Variants in NXPH1 observed in about 807,000 individuals in gnomAD.
NXPH1 encodes the protein neurexophilin-1.
A neutral mutation model predicts 23.7 loss-of-function variants in NXPH1; 5 were observed. The ratio of observed to expected loss-of-function variants is 0.21; its 90% CI spans 0.11 to 0.44. NXPH1 has a LOEUF of 0.44. Among genes scored for constraint, NXPH1 ranks in the 20% least tolerant of loss-of-function variants. NXPH1 has a pLI of 0.99. For synonymous variants in NXPH1, 144 were observed against 122.2 expected (o/e 1.18, Z -1.18); for missense variants, 324 against 321.6 (o/e 1.01, Z -0.06).
intron 2 of NXPH1, among the ~76,000 whole-genome samples, chr7:8,538,914 C>G (rs1012003551): frequency 1.3e-5 from 2 of 151,872 alleles, no homozygotes; most frequent in Non-Finnish European, 1.5e-5. Context: ...AATTAGCAGA[C>G]TATCCAATGT....
intron 2 of NXPH1, among the ~76,000 whole-genome samples, chr7:8,721,784 G>T (rs954120178): frequency 6.6e-6 from 1 of 152,144 alleles, no homozygotes. Context: ...CTCAAAAAAG[G>T]CATTTCTTGA....
chr7:8,736,718 T>C (rs1386850735), intron 2 of NXPH1, among the ~76,000 whole-genome samples: 5 of 152,208 alleles, frequency 3.3e-5, no homozygotes, highest in African/African-American at 1.2e-4. Flanking sequence ...TGTCTAATAT[T>C]GACAGTGGGG....
intron 2 of NXPH1, among the ~76,000 whole-genome samples, chr7:8,448,449 T>C (rs1379890090): frequency 1.3e-5 from 2 of 152,226 alleles, no homozygotes; most frequent in Non-Finnish European, 2.9e-5. Context: ...GATAGCTATA[T>C]AGTTGCTCAG....
At chr7:8,578,649 G>T (rs538528794) in intron 2 of NXPH1, among the ~76,000 whole-genome samples, 1 of 152,260 alleles carries the variant, frequency 6.6e-6, no homozygotes, top group Admixed American at 6.5e-5. Flanking sequence ...TAGGTACTGA[G>T]GTCATAGCAG....
At chr7:8,552,122 A>C (rs1384229386) in intron 2 of NXPH1, among the ~76,000 whole-genome samples, 1 of 148,314 alleles carries the variant, frequency 6.7e-6, no homozygotes, top group African/African-American at 2.5e-5. Flanking sequence ...ACCAAAAAAA[A>C]AAAAAAAAAA....
intron 2 of NXPH1, among the ~76,000 whole-genome samples, chr7:8,439,459 G>A (rs914093663): frequency 1.6e-4 from 24 of 152,192 alleles, no homozygotes; most frequent in African/African-American, 5.3e-4. Context: ...AAGCTACTCA[G>A]AAATTGAATC....
chr7:8,565,535 C>G (rs1453263482), intron 2 of NXPH1, among the ~76,000 whole-genome samples: 1 of 151,666 alleles, frequency 6.6e-6, no homozygotes, highest in African/African-American at 2.4e-5. Flanking sequence ...TTAGGTATAA[C>G]AAACCTTGTT....
intron 2 of NXPH1, among the ~76,000 whole-genome samples, chr7:8,463,867 T>C (rs903300515): frequency 3.3e-5 from 5 of 152,236 alleles, no homozygotes; most frequent in Non-Finnish European, 7.3e-5. Context: ...AATAGGCAAT[T>C]AATATAAATG....
At chr7:8,696,005 C>T (rs1425467124) in intron 2 of NXPH1, among the ~76,000 whole-genome samples, 2 of 152,178 alleles carry the variant, frequency 1.3e-5, no homozygotes, top group Non-Finnish European at 2.9e-5. Context: ...GAAGTAACTT[C>T]TAATAGCATA....
At chr7:8,747,508 A>G (rs539461983) in intron 2 of NXPH1, among the ~76,000 whole-genome samples, 1 of 152,200 alleles carries the variant, frequency 6.6e-6, no homozygotes, top group African/African-American at 2.4e-5. Context: ...CCAGTGCATC[A>G]TGAAAGCATC....
chr7:8,462,822 A>T (rs1024915205), intron 2 of NXPH1, among the ~76,000 whole-genome samples: 2 of 152,206 alleles, frequency 1.3e-5, no homozygotes, highest in African/African-American at 4.8e-5. Context: ...ACTGTTATTT[A>T]TCTGTGTATC....
intron 2 of NXPH1, among the ~76,000 whole-genome samples, chr7:8,675,009 C>T (rs1284691669): frequency 6.6e-6 from 1 of 152,076 alleles, no homozygotes; most frequent in Non-Finnish European, 1.5e-5. Context: ...TATTTCCTAC[C>T]AGGGCTGACA....
At chr7:8,437,601 A>G (rs1042174476) in intron 2 of NXPH1, among the ~76,000 whole-genome samples, 1 of 152,220 alleles carries the variant, frequency 6.6e-6, no homozygotes, top group African/African-American at 2.4e-5. Context: ...TAATCTATCA[A>G]AAGCAGAAGT....
rs145876022 is a variant in NXPH1 at position 8,675,621 on chromosome 7, G to T, written c.55-75387G>T. Among the ~76,000 whole-genome samples the T allele has an allele frequency of 7.5e-3, 1,139 of 152,200 alleles. 13 individuals are homozygous for T. Among genetic ancestry groups the T allele is most frequent in the South Asian group, 0.039 (189 of 4,814 alleles). ...ATTGCAGCATTCATAGACAACTTCC[G>T]TACAATATGGTGAGTACAGGATGCT... On this transcript the variant is annotated intron_variant, in intron 2 of 2. Transcript: ENST00000405863.
At chr7:8,558,086 C>G (rs1040878536) in intron 2 of NXPH1, among the ~76,000 whole-genome samples, 3 of 151,620 alleles carry the variant, frequency 2.0e-5, no homozygotes, top group African/African-American at 7.3e-5. Flanking sequence ...TTGATATTTT[C>G]TGAATAAAAT....
intron 2 of NXPH1, among the ~76,000 whole-genome samples, chr7:8,528,562 T>TTA (rs1817901380): frequency 6.6e-6 from 1 of 152,254 alleles, no homozygotes; most frequent in African/African-American, 2.4e-5. Flanking sequence ...TCTGAAAGGA[T>TTA]GCCTTATTTG....
intron 2 of NXPH1, among the ~76,000 whole-genome samples, chr7:8,722,097 T>C (rs2115207611): frequency 6.6e-6 from 1 of 152,132 alleles, no homozygotes. Context: ...GTACCAATGA[T>C]GTGGGTTATA....
At chr7:8,678,906 A>G (rs1174650425) in intron 2 of NXPH1, among the ~76,000 whole-genome samples, 1 of 107,500 alleles carries the variant, frequency 9.3e-6, no homozygotes, top group Admixed American at 8.5e-5. Flanking sequence ...TCACTTTTCT[A>G]GATTTATCTT....
chr7:8,553,566 G>T (rs1345758564), intron 2 of NXPH1, among the ~76,000 whole-genome samples: 1 of 151,462 alleles, frequency 6.6e-6, no homozygotes, highest in African/African-American at 2.4e-5. Flanking sequence ...ATTCAGAATG[G>T]GTCTTAAAGG....
Sources: gnomAD v4.1 joint callset for allele counts (sites outside exome capture counted in the v4.1 genomes callset) on GRCh38, gnomAD v4.1.1 for gene constraint, MANE v1.5 for transcripts, NCBI Gene and HGNC (gene_info 2026-07-23, HGNC 2026-07-21) for gene names.